Variants in EMCN observed in about 807,000 individuals in gnomAD.
EMCN encodes the protein MUC-14.
A neutral mutation model predicts 38.4 loss-of-function variants in EMCN; 37 were observed. The observed-to-expected ratio is 0.96, with a 90% CI of 0.74 to 1.27. The LOEUF (loss-of-function observed/expected upper bound fraction) is 1.27, where lower values mean the gene tolerates loss of function less well. EMCN is among the 50% of genes most tolerant of loss of function. EMCN has a pLI of 0.00. For missense variants in EMCN, 318 were observed against 302.8 expected, an observed-to-expected ratio of 1.05 and a Z score of -0.37; for synonymous variants, 95 against 100.8, an observed-to-expected ratio of 0.94 and a Z score of 0.35.
At chr4:100,460,022 A>C (rs374890844) in intron 4 of EMCN, among the ~76,000 whole-genome samples, 1 of 152,214 alleles carries the variant, frequency 6.6e-6, no homozygotes, top group Non-Finnish European at 1.5e-5. Context: ...CAATGGCTAC[A>C]CTATTTTATA....
intron 1 of EMCN, chr4:100,486,717 G>A (rs997163679): frequency 1.5e-5 from 6 of 408,820 alleles, no homozygotes; most frequent in South Asian, 1.0e-4. Flanking sequence ...CCACCTGGCC[G>A]CTCTGGGGAG....
chr4:100,418,983 G>A (rs1726814092), intron 8 of EMCN, among the ~76,000 whole-genome samples: 1 of 151,994 alleles, frequency 6.6e-6, no homozygotes, highest in Non-Finnish European at 1.5e-5. Flanking sequence ...CTCCATAGTG[G>A]TTGTACTAAT....
chr4:100,415,762 T>C, intron 10 of EMCN, 136 bp downstream of exon 10: 1 of 586,770 alleles, frequency 1.7e-6, no homozygotes, highest in Non-Finnish European at 3.0e-6. Flanking sequence ...GGGAGAATTT[T>C]ACACTTATTG....
intron 4 of EMCN, among the ~76,000 whole-genome samples, chr4:100,450,933 G>GA (rs1727821518): frequency 6.6e-6 from 1 of 151,786 alleles, no homozygotes; most frequent in Non-Finnish European, 1.5e-5. Flanking sequence ...CATTTAATGG[G>GA]AAAATTGTTT....
rs77818486 is a variant in EMCN at position 100,427,259 on chromosome 4, T to A, written c.416-3855A>T. Among the ~76,000 whole-genome samples, 294 of 152,190 alleles carry A rather than the reference T, an allele frequency of 1.9e-3. 1 individual carries two copies. Among genetic ancestry groups the A allele is most frequent in the African/African-American group, 6.6e-3 (275 of 41,540 alleles). The stretch of plus-strand genomic sequence containing the variant: ...TGGTTCCTCCTCTTATTTCTTTTTT[T>A]AAAATCTTTTTAATATTTCTTTTTA... On this transcript the variant is annotated intron_variant, in intron 5 of 11. Coordinates refer to ENST00000296420, the MANE Select transcript of EMCN (RefSeq NM_016242.4).
chr4:100,461,683 T>G (rs1476960811), intron 4 of EMCN, among the ~76,000 whole-genome samples: 1 of 152,188 alleles, frequency 6.6e-6, no homozygotes, highest in Non-Finnish European at 1.5e-5. Flanking sequence ...GTTTTGAGTA[T>G]GATCTTCTTT....
intron 5 of EMCN, among the ~76,000 whole-genome samples, chr4:100,437,983 G>T (rs1421240509): frequency 2.6e-5 from 4 of 151,782 alleles, no homozygotes; most frequent in Non-Finnish European, 5.9e-5. Flanking sequence ...ATAGAATATT[G>T]CTTTTTGACA....
chr4:100,485,734 G>A (rs1021564838), intron 1 of EMCN, among the ~76,000 whole-genome samples: 15 of 151,898 alleles, frequency 9.9e-5, no homozygotes, highest in South Asian at 4.1e-4. Context: ...ATATTAACAC[G>A]GTTGTACACT....
At chr4:100,510,106 G>A (rs78335625) in intron 1 of EMCN, among the ~76,000 whole-genome samples, 1 of 152,086 alleles carries the variant, frequency 6.6e-6, no homozygotes, top group Non-Finnish European at 1.5e-5. Context: ...CATTAATACC[G>A]TGTTTCCTTC....
intron 1 of EMCN, among the ~76,000 whole-genome samples, chr4:100,480,319 A>G (rs1728772325): frequency 6.6e-6 from 1 of 152,058 alleles, no homozygotes; most frequent in Non-Finnish European, 1.5e-5. Flanking sequence ...CTGAAATTTA[A>G]TAATATTTTT....
chr4:100,500,689 A>AT (rs1165078966), intron 1 of EMCN, among the ~76,000 whole-genome samples: 1 of 151,900 alleles, frequency 6.6e-6, no homozygotes, highest in Non-Finnish European at 1.5e-5. Flanking sequence ...GTATATTTTA[A>AT]TTTTTTTCAT....
At chr4:100,413,156 C>T (rs1014609623) in intron 10 of EMCN, among the ~76,000 whole-genome samples, 2 of 152,152 alleles carry the variant, frequency 1.3e-5, no homozygotes, top group Non-Finnish European at 2.9e-5. Context: ...CATTGTGTTA[C>T]CCTTCTATGC....
At chr4:100,495,897 T>C (rs748979825) in intron 1 of EMCN, among the ~76,000 whole-genome samples, 1 of 152,132 alleles carries the variant, frequency 6.6e-6, no homozygotes, top group African/African-American at 2.4e-5. Context: ...ATATTAGGAT[T>C]ATTCTATCAT....
At chr4:100,503,514 C>A (rs1169494029) in intron 1 of EMCN, among the ~76,000 whole-genome samples, 1 of 152,016 alleles carries the variant, frequency 6.6e-6, no homozygotes, top group African/African-American at 2.4e-5. Flanking sequence ...GTGTTCTTTG[C>A]ACTATGTATT....
intron 4 of EMCN, among the ~76,000 whole-genome samples, chr4:100,459,168 G>GCT (rs70958363): frequency 9.8e-5 from 13 of 132,860 alleles, no homozygotes; most frequent in Non-Finnish European, 1.6e-4. Flanking sequence ...GCCCTCAGAT[G>GCT]CTCTCTCTCT....
chr4:100,494,210 A>G (rs1035583786), intron 1 of EMCN, among the ~76,000 whole-genome samples: 3 of 152,184 alleles, frequency 2.0e-5, no homozygotes, highest in East Asian at 3.8e-4. Flanking sequence ...CAAATTAAAA[A>G]TATTTTGAGC....
At chr4:100,443,735 C>T (rs1041396486) in intron 5 of EMCN, among the ~76,000 whole-genome samples, 4 of 152,078 alleles carry the variant, frequency 2.6e-5, no homozygotes, top group African/African-American at 9.7e-5. Flanking sequence ...ATGCAGTTTC[C>T]CCAGTAAGGC....
chr4:100,512,019 C>G (rs1729637018), intron 1 of EMCN, among the ~76,000 whole-genome samples: 1 of 152,146 alleles, frequency 6.6e-6, no homozygotes, highest in Non-Finnish European at 1.5e-5. Flanking sequence ...CTGAAATGCA[C>G]CTTTATAACA....
chr4:100,459,696 A>T (rs965592639), intron 4 of EMCN, among the ~76,000 whole-genome samples: 2 of 152,124 alleles, frequency 1.3e-5, no homozygotes, highest in African/African-American at 2.4e-5. Context: ...CCTGTGCCAG[A>T]CGTATTTCAG....
Sources: allele counts gnomAD v4.1 joint callset (sites outside exome capture counted in the v4.1 genomes callset), GRCh38; gene constraint gnomAD v4.1.1; transcripts MANE v1.5; gene names NCBI Gene and HGNC (gene_info 2026-07-23, HGNC 2026-07-21).